CSMD1: variants seen among roughly 807,000 people sequenced by gnomAD.
The protein encoded by CSMD1 is CUB and sushi domain-containing protein 1.
A neutral mutation model predicts 417.5 loss-of-function variants in CSMD1; 213 were observed. The observed-to-expected ratio is 0.51, with a 90% CI of 0.46 to 0.57. The LOEUF (loss-of-function observed/expected upper bound fraction) is 0.57, where lower values mean the gene tolerates loss of function less well. Among genes scored for constraint, CSMD1 ranks in the 20% least tolerant of loss-of-function variants. The probability of loss-of-function intolerance (pLI) is 0.00; values close to 1 mark genes in which losing one functional copy is unlikely to be tolerated. For missense variants in CSMD1, 6,923 were observed against 4,529.7 expected, an observed-to-expected ratio of 1.53 and a Z score of -15.17; for synonymous variants, 2,862 against 1,736.8, an observed-to-expected ratio of 1.65 and a Z score of -16.11.
chr8:4,731,386 C>A (rs996925409), intron 1 of CSMD1, among the ~76,000 whole-genome samples: 2 of 152,134 alleles, frequency 1.3e-5, no homozygotes, highest in African/African-American at 2.4e-5. Context: ...CACATTCCCC[C>A]ACCTGTGCAA....
At chr8:3,979,619 G>A (rs889097437) in intron 5 of CSMD1, among the ~76,000 whole-genome samples, 14 of 152,300 alleles carry the variant, frequency 9.2e-5, no homozygotes, top group Non-Finnish European at 1.5e-4. Context: ...ATTATAAAAA[G>A]AGGAAGAGAT....
At chr8:3,459,329 G>A (rs1337143484) in intron 12 of CSMD1, among the ~76,000 whole-genome samples, 1 of 152,160 alleles carries the variant, frequency 6.6e-6, no homozygotes, top group Non-Finnish European at 1.5e-5. Context: ...GCTGACGTGG[G>A]GCACAGGGTA....
intron 3 of CSMD1, among the ~76,000 whole-genome samples, chr8:4,358,517 T>A (rs1487017373): frequency 6.6e-6 from 1 of 152,134 alleles, no homozygotes; most frequent in Admixed American, 6.5e-5. Context: ...CCAGCAGAGC[T>A]CCGCAGATGC....
intron 10 of CSMD1, among the ~76,000 whole-genome samples, chr8:3,570,202 G>C (rs1470266263): frequency 6.6e-6 from 1 of 152,182 alleles, no homozygotes; most frequent in Non-Finnish European, 1.5e-5. Context: ...TAAAGTAAAA[G>C]GAAGATACTG....
At chr8:4,038,011 C>T (rs1395390628) in intron 3 of CSMD1, among the ~76,000 whole-genome samples, 1 of 151,944 alleles carries the variant, frequency 6.6e-6, no homozygotes, top group African/African-American at 2.4e-5. Flanking sequence ...CACTTTATTC[C>T]CACACTTGGT....
At chr8:3,793,426 T>A (rs1192510773) in intron 5 of CSMD1, among the ~76,000 whole-genome samples, 1 of 152,162 alleles carries the variant, frequency 6.6e-6, no homozygotes, top group Non-Finnish European at 1.5e-5. Context: ...ATGTTGCCAC[T>A]GTCTCTGCAA....
chr8:4,628,311 A>G (rs529703714), intron 2 of CSMD1, among the ~76,000 whole-genome samples: 1 of 150,706 alleles, frequency 6.6e-6, no homozygotes, highest in East Asian at 1.9e-4. Context: ...CCTTTTGAGT[A>G]TTAAGTTTTA....
At chr8:3,951,455 A>G (rs1351199438) in intron 5 of CSMD1, among the ~76,000 whole-genome samples, 1 of 152,138 alleles carries the variant, frequency 6.6e-6, no homozygotes, top group Non-Finnish European at 1.5e-5. Context: ...AGAGTGCTGT[A>G]TTTTCCTCCG....
At chr8:4,352,457 G>T (rs1048621641) in intron 3 of CSMD1, among the ~76,000 whole-genome samples, 1 of 152,088 alleles carries the variant, frequency 6.6e-6, no homozygotes, top group Non-Finnish European at 1.5e-5. Flanking sequence ...TTAAAGAATA[G>T]AAAGTGGAAA....
chr8:3,640,439 C>T (rs77661254), intron 7 of CSMD1, among the ~76,000 whole-genome samples: 3,565 of 152,272 alleles, frequency 0.023, 60 homozygotes, highest in Middle Eastern at 0.071. Flanking sequence ...TTTCCTATGT[C>T]CTCGGACTCC....
At chr8:3,759,668 C>T (rs34835549) in intron 5 of CSMD1, among the ~76,000 whole-genome samples, 23,716 of 149,770 alleles carry the variant, frequency 0.16, 1,941 homozygotes, top group Admixed American at 0.19. Context: ...CCAAGGTCAG[C>T]GGACCACCTG....
intron 26 of CSMD1, among the ~76,000 whole-genome samples, chr8:3,276,060 T>G (rs1021653722): frequency 6.6e-6 from 1 of 152,238 alleles, no homozygotes; most frequent in Non-Finnish European, 1.5e-5. Flanking sequence ...CTTTGTGGTT[T>G]TATCTACTTT....
At chr8:4,991,109 G>A (rs1402399033) in intron 1 of CSMD1, among the ~76,000 whole-genome samples, 1 of 152,156 alleles carries the variant, frequency 6.6e-6, no homozygotes, top group Non-Finnish European at 1.5e-5. Flanking sequence ...CTGCACATAT[G>A]CAAGAAACAA....
rs115573120 is a variant in CSMD1, at chr8:4,191,468, G to C, written c.416-159369C>G. Among the ~76,000 whole-genome samples the C allele has an allele frequency of 2.3e-3, 357 of 152,146 alleles. 2 individuals carry two copies. Among genetic ancestry groups the C allele is most frequent in the African/African-American group, 8.3e-3 (343 of 41,524 alleles). On this transcript the variant is annotated intron_variant, in intron 3 of 69. Transcript: ENST00000635120. ...AAACTAAAAAAAATTGAACAAGATA[G>C]AACTAAAAGCATTGTTCTTACTTGT...
At chr8:4,231,467 T>C (rs2128814202) in intron 3 of CSMD1, among the ~76,000 whole-genome samples, 1 of 151,894 alleles carries the variant, frequency 6.6e-6, no homozygotes, top group Non-Finnish European at 1.5e-5. Context: ...GACAGTGAAC[T>C]CTCTCAGGGC....
At chr8:4,276,330 T>C (rs1796485091) in intron 3 of CSMD1, among the ~76,000 whole-genome samples, 1 of 152,160 alleles carries the variant, frequency 6.6e-6, no homozygotes, top group Non-Finnish European at 1.5e-5. Flanking sequence ...TGCAGGGACA[T>C]GGATGAAACT....
chr8:4,045,061 T>C (rs4629888), intron 3 of CSMD1, among the ~76,000 whole-genome samples: 42,244 of 152,146 alleles, frequency 0.28, 5,993 homozygotes, highest in African/African-American at 0.32. Context: ...GAAAGCCTTG[T>C]GCCTGAGGTA....
chr8:3,489,633 C>T (rs574097790), intron 11 of CSMD1, among the ~76,000 whole-genome samples: 15 of 152,136 alleles, frequency 9.9e-5, no homozygotes, highest in Non-Finnish European at 1.8e-4. Flanking sequence ...CTTCAACCAC[C>T]TCTCAGGGAA....
chr8:3,415,764 A>T (rs1813098164), intron 12 of CSMD1, among the ~76,000 whole-genome samples: 1 of 152,102 alleles, frequency 6.6e-6, no homozygotes, highest in African/African-American at 2.4e-5. Context: ...TTTATTCTTT[A>T]TTTCAGACTG....
Sources: gnomAD v4.1 joint callset for allele counts (sites outside exome capture counted in the v4.1 genomes callset) on GRCh38, gnomAD v4.1.1 for gene constraint, MANE v1.5 for transcripts, NCBI Gene and HGNC (gene_info 2026-07-23, HGNC 2026-07-21) for gene names.